Variants in EIF4E3 observed in about 807,000 individuals in gnomAD.
EIF4E3 encodes the protein eukaryotic translation initiation factor 4E family member 3, also known as eukaryotic translation initiation factor 4E type 3.
In EIF4E3, 26 loss-of-function variants were observed where a neutral mutation model predicts 31.7. The ratio of observed to expected loss-of-function variants is 0.82; its 90% CI spans 0.60 to 1.14. The LOEUF is 1.14. Ranked by LOEUF, EIF4E3 falls within the 50% of genes most tolerant of loss-of-function variation. The probability of loss-of-function intolerance (pLI) is 0.00; values close to 1 mark genes in which losing one functional copy is unlikely to be tolerated. For synonymous variants in EIF4E3, 128 were observed against 107.7 expected, an observed-to-expected ratio of 1.19 and a Z score of -1.17; for missense variants, 304 against 270.9, an observed-to-expected ratio of 1.12 and a Z score of -0.86.
At chr3:71,754,202 C>T (rs756853286), upstream of EIF4E3, 1 of 1,410,976 alleles carries the variant, frequency 7.1e-7, no homozygotes, top group South Asian at 1.3e-5. The surrounding 1 kb of genome is among the most constrained non-coding windows in gnomAD (Gnocchi z 5.8). Flanking sequence ...GCCTGCACCG[C>T]GCCCCGTACT....
intron 2 of EIF4E3, among the ~76,000 whole-genome samples, chr3:71,709,559 CTGTT>C (rs965682776): frequency 9.2e-5 from 14 of 151,912 alleles, no homozygotes; most frequent in African/African-American, 3.1e-4. Context: ...TTTAAGGAAA[CTGTT>C]TGTAGAGATG....
rs1480446353 is a variant in EIF4E3, at chr3:71,678,017, A to G, written c.*6665T>C. 2 of 152,220 alleles carry G rather than the reference A, an allele frequency of 1.3e-5. No homozygotes were observed. The highest frequency in any genetic ancestry group is 4.8e-5 in the African/African-American group (2 of 41,454). 9.4% of individuals were successfully genotyped at this position (152,220 alleles called of 1,614,324 possible). ...TGTTCAACAGGGAAGTGTAAAAATA[A>G]CAACAGTTACTCCCCATCAGAATAC... On this transcript the variant is annotated 3_prime_UTR_variant, in exon 7 of 7. Transcript: ENST00000425534.
At chr3:71,742,530 T>A in intron 1 of EIF4E3, among the ~76,000 whole-genome samples, 1 of 152,078 alleles carries the variant, frequency 6.6e-6, no homozygotes, top group East Asian at 1.9e-4. Context: ...GCTCAAATAC[T>A]TTTACAAGTA....
chr3:71,711,474 C>T (rs2049378074), intron 1 of EIF4E3, among the ~76,000 whole-genome samples: 1 of 152,160 alleles, frequency 6.6e-6, no homozygotes, highest in South Asian at 2.1e-4. Flanking sequence ...AGAAACTGAT[C>T]CCAGAGACGT....
At chr3:71,700,906 G>C (rs1457159123) in intron 2 of EIF4E3, among the ~76,000 whole-genome samples, 1 of 152,152 alleles carries the variant, frequency 6.6e-6, no homozygotes, top group Non-Finnish European at 1.5e-5. Context: ...GGGCCCCTGG[G>C]AGGTAATCAG....
intron 1 of EIF4E3, among the ~76,000 whole-genome samples, chr3:71,739,333 G>C (rs950079612): frequency 1.3e-5 from 2 of 151,932 alleles, no homozygotes; most frequent in Admixed American, 1.3e-4. Context: ...AAAACAAAAA[G>C]AGAGAAATAG....
chr3:71,747,740 G>A (rs2049887952), intron 1 of EIF4E3, among the ~76,000 whole-genome samples: 1 of 151,978 alleles, frequency 6.6e-6, no homozygotes, highest in South Asian at 2.1e-4. Context: ...TCTAAGAGTT[G>A]TTATAGTTTT....
upstream of EIF4E3, chr3:71,754,284 G>A: frequency 8.7e-7 from 1 of 1,151,804 alleles, no homozygotes; most frequent in Non-Finnish European, 1.1e-6. This position sits in a 1 kb window ranked among gnomAD's most constrained non-coding sequence, Gnocchi z 5.8. Context: ...CATGCTGGCG[G>A]CGCGGCGTGC....
At chr3:71,730,776 G>C (rs2049697799) in intron 1 of EIF4E3, among the ~76,000 whole-genome samples, 5 of 152,004 alleles carry the variant, frequency 3.3e-5, no homozygotes, top group Admixed American at 3.3e-4. Context: ...TGTTGCCCAG[G>C]CTGGAGTGGA....
intron 6 of EIF4E3, among the ~76,000 whole-genome samples, chr3:71,686,267 G>T (rs1482990797): frequency 6.6e-6 from 1 of 152,160 alleles, no homozygotes; most frequent in Admixed American, 6.5e-5. Flanking sequence ...TGGGATTACA[G>T]GCATGAACCA....
intron 2 of EIF4E3, among the ~76,000 whole-genome samples, chr3:71,708,120 C>T (rs2049321334): frequency 6.6e-6 from 1 of 152,176 alleles, no homozygotes; most frequent in South Asian, 2.1e-4. Flanking sequence ...GTGATCCGCC[C>T]ACCTTGGCCT....
At chr3:71,671,847 C>T (rs531665661), downstream of EIF4E3, among the ~76,000 whole-genome samples, 3 of 151,964 alleles carry the variant, frequency 2.0e-5, no homozygotes, top group Admixed American at 2.0e-4. Flanking sequence ...ACATGAAGCA[C>T]CCCCAGAACA....
At chr3:71,674,833 A>AAGCTCTAC (rs1455307837), downstream of EIF4E3, among the ~76,000 whole-genome samples, 1 of 152,200 alleles carries the variant, frequency 6.6e-6, no homozygotes, top group Non-Finnish European at 1.5e-5. Flanking sequence ...GGCTTTGAAG[A>AAGCTCTAC]AGCTCTACCT....
intron 1 of EIF4E3, among the ~76,000 whole-genome samples, chr3:71,738,319 C>A (rs888699496): frequency 2.6e-5 from 4 of 152,154 alleles, no homozygotes; most frequent in Non-Finnish European, 4.4e-5. Context: ...AAGTGAGAAT[C>A]TTAGACTTTT....
intron 2 of EIF4E3, among the ~76,000 whole-genome samples, chr3:71,709,656 C>G (rs1242297255): frequency 6.6e-6 from 1 of 152,152 alleles, no homozygotes; most frequent in Non-Finnish European, 1.5e-5. Context: ...CCTGGGATTT[C>G]AGGTGTGAGC....
At chr3:71,725,911 GA>G (rs1393590006), upstream of EIF4E3, among the ~76,000 whole-genome samples, 36 of 152,292 alleles carry the variant, frequency 2.4e-4, no homozygotes, top group African/African-American at 8.2e-4. This position sits in a 1 kb window ranked among gnomAD's most constrained non-coding sequence, Gnocchi z 6.1. Context: ...GAGAAGGAGG[GA>G]TGGAGGGCAG....
At chr3:71,715,652 G>A (rs6772786) in intron 1 of EIF4E3, among the ~76,000 whole-genome samples, 59,371 of 151,990 alleles carry the variant, frequency 0.39, 12,667 homozygotes, top group African/African-American at 0.56. Flanking sequence ...GTATACAGCT[G>A]GAGCTGAGAA....
chr3:71,707,456 T>TC (rs1434533366), intron 2 of EIF4E3, among the ~76,000 whole-genome samples: 3 of 152,208 alleles, frequency 2.0e-5, no homozygotes, highest in Non-Finnish European at 4.4e-5. Flanking sequence ...TACTAAGAAC[T>TC]ATATACCATC....
chr3:71,669,262 G>A, the EIF4E3 span, among the ~76,000 whole-genome samples: 1 of 143,896 alleles, frequency 6.9e-6, no homozygotes, highest in African/African-American at 2.6e-5. Context: ...GGGGTGGGGG[G>A]CAAGGGGAAG....
Sources: allele counts gnomAD v4.1 joint callset (sites outside exome capture counted in the v4.1 genomes callset), GRCh38; gene constraint gnomAD v4.1.1; non-coding constraint Gnocchi (gnomAD v3.1); transcripts MANE v1.5; gene names NCBI Gene and HGNC (gene_info 2026-07-23, HGNC 2026-07-21).